Variants in AHI1 observed in about 807,000 individuals in gnomAD.
AHI1 encodes Abelson helper integration site 1.
In AHI1, 123 loss-of-function variants were observed where a neutral mutation model predicts 149.3. The observed-to-expected ratio is 0.82, with a 90% CI of 0.71 to 0.96. The LOEUF is 0.96. Among genes scored for constraint, AHI1 ranks in the 40% least tolerant of loss-of-function variants. The pLI, the probability that AHI1 is intolerant of heterozygous loss-of-function variation, is 0.00. For missense variants in AHI1, 1,439 were observed against 1,422.7 expected (o/e 1.01, Z -0.18); for synonymous variants, 475 against 459.8 (o/e 1.03, Z -0.42).
chr6:135,346,361 AT>A (rs1422399230), intron 24 of AHI1, among the ~76,000 whole-genome samples: 2 of 151,470 alleles, frequency 1.3e-5, no homozygotes, highest in Non-Finnish European at 1.5e-5. Context: ...TGCCCGGCTA[AT>A]TTTTTTTATT....
At chr6:135,296,653 G>A (rs554703578) in intron 27 of AHI1, among the ~76,000 whole-genome samples, 1 of 152,172 alleles carries the variant, frequency 6.6e-6, no homozygotes, top group South Asian at 2.1e-4. Context: ...CTCATGCTCC[G>A]ATTTACAACT....
intron 21 of AHI1, 114 bp downstream of exon 21, chr6:135,411,234 G>A (rs1219806166): frequency 1.0e-6 from 1 of 990,698 alleles, no homozygotes; most frequent in African/African-American, 1.6e-5. Context: ...AAAAGTATAG[G>A]AAGGTCTAAT....
chr6:135,416,597 T>C (rs1185097241), intron 20 of AHI1, among the ~76,000 whole-genome samples: 1 of 152,078 alleles, frequency 6.6e-6, no homozygotes, highest in Non-Finnish European at 1.5e-5. Flanking sequence ...AAATTGCTCA[T>C]ATTATTCATT....
At chr6:135,430,257 A>T (rs1021523634) in intron 17 of AHI1, among the ~76,000 whole-genome samples, 14 of 152,056 alleles carry the variant, frequency 9.2e-5, no homozygotes, top group African/African-American at 3.4e-4. Context: ...ACTTTCCCAA[A>T]ATTTGGTCAG....
intron 23 of AHI1, among the ~76,000 whole-genome samples, chr6:135,359,721 C>T (rs542378817): frequency 4.6e-5 from 7 of 152,264 alleles, no homozygotes; most frequent in African/African-American, 1.7e-4. Flanking sequence ...ATCTTACACA[C>T]GTCTTCTCAC....
At chr6:135,391,736 T>C (rs1321381442) in intron 23 of AHI1, among the ~76,000 whole-genome samples, 3 of 152,148 alleles carry the variant, frequency 2.0e-5, no homozygotes, top group Non-Finnish European at 4.4e-5. Context: ...AATTATTCAA[T>C]GATACTTGTT....
chr6:135,309,149 G>T (rs1344171382), intron 26 of AHI1, among the ~76,000 whole-genome samples: 3 of 152,136 alleles, frequency 2.0e-5, no homozygotes, highest in African/African-American at 7.2e-5. Flanking sequence ...GTAGGAGAGA[G>T]TCCCTATTAA....
At chr6:135,296,238 TCA>T (rs1783076683) in intron 27 of AHI1, among the ~76,000 whole-genome samples, 1 of 152,226 alleles carries the variant, frequency 6.6e-6, no homozygotes, top group Non-Finnish European at 1.5e-5. Flanking sequence ...TTCACTAACT[TCA>T]TGGCTCCCAC....
intron 5 of AHI1, 128 bp downstream of exon 5, chr6:135,490,495 T>C: frequency 9.2e-7 from 1 of 1,083,290 alleles, no homozygotes; most frequent in Non-Finnish European, 1.4e-6. Context: ...TACCACATGT[T>C]ATTGACCATG....
At chr6:135,296,988 C>T (rs1783178510) in intron 27 of AHI1, among the ~76,000 whole-genome samples, 1 of 152,168 alleles carries the variant, frequency 6.6e-6, no homozygotes, top group Admixed American at 6.5e-5. Context: ...TAGTATAGCA[C>T]CTAGAACAGA....
intron 1 of AHI1, among the ~76,000 whole-genome samples, 156 bp downstream of exon 1, chr6:135,497,427 C>A (rs925305101): frequency 2.6e-5 from 4 of 152,196 alleles, no homozygotes; most frequent in African/African-American, 9.6e-5. Context: ...AAATCGCATT[C>A]CCCCGGGACA....
chr6:135,376,806 C>T (rs530785377), intron 23 of AHI1, among the ~76,000 whole-genome samples: 44 of 142,886 alleles, frequency 3.1e-4, no homozygotes, highest in African/African-American at 8.3e-4. Context: ...CACCTGAACC[C>T]GGGAGGCAAA....
At chr6:135,298,619 C>A (rs1423104930) in intron 27 of AHI1, among the ~76,000 whole-genome samples, 2 of 152,178 alleles carry the variant, frequency 1.3e-5, no homozygotes, top group African/African-American at 2.4e-5. Context: ...CTTAATTCAT[C>A]CTTACTTCTA....
rs143967215 is a variant in AHI1 at position 135,371,839 on chromosome 6, G to A, written c.3110-13652C>T. Among the ~76,000 whole-genome samples, 18 of 152,268 alleles carry A rather than the reference G, an allele frequency of 1.2e-4. No homozygotes were observed. In the East Asian group the frequency reaches 1.9e-3, roughly 16 times the overall value. On this transcript the variant is annotated intron_variant, in intron 23 of 28. Transcript: ENST00000265602. ...GGGGTGGGAGGACTTTGTTCTACTCGGTGTTGAGCAAGGATCTGTGCAGGG... is the reference window on the plus strand; with the variant it reads ...GGGGTGGGAGGACTTTGTTCTACTCAGTGTTGAGCAAGGATCTGTGCAGGG...
Position 135,412,049 on chromosome 6 carries a change from A to G in AHI1, c.2765-505T>C, listed in dbSNP as rs903158383. On this transcript the variant is annotated intron_variant, in intron 20 of 28. Coordinates refer to ENST00000265602, the MANE Select transcript of AHI1 (RefSeq NM_001134831.2). ...TTATAATTATTAAATGTTTTACAGTATCTCATTTAATGAAGCACCGTAATT... is the reference window on the plus strand; with the variant it reads ...TTATAATTATTAAATGTTTTACAGTGTCTCATTTAATGAAGCACCGTAATT... 2.0e-5 allele frequency among the ~76,000 whole-genome samples: 3 copies of G among 152,294 alleles called. No homozygotes were observed. In the South Asian group the frequency reaches 6.2e-4, roughly 32 times the overall value.
intron 3 of AHI1, 78 bp from the exon 4 acceptor site, chr6:135,492,369 T>C: frequency 7.0e-7 from 1 of 1,429,414 alleles, no homozygotes; most frequent in East Asian, 2.6e-5. Context: ...CACAAGATCA[T>C]GCCATTGTAT....
chr6:135,388,473 A>G (rs1336580650), intron 23 of AHI1, among the ~76,000 whole-genome samples: 1 of 152,196 alleles, frequency 6.6e-6, no homozygotes, highest in Admixed American at 6.5e-5. Context: ...CTTAGATGTA[A>G]TCTACCTTCT....
chr6:135,438,470 C>A lies in AHI1; in HGVS notation c.1941G>T (p.Met647Ile), dbSNP rs1263133561. The change falls in exon 15 of 29, where the codon ATG (methionine) becomes ATT (isoleucine). Residue 647 changes from methionine (M) to isoleucine (I), a missense_variant. Physicochemically the swap from Met to Ile is conservative, Grantham distance 10 (BLOSUM62 1). Transcript: ENST00000265602. ...ILYEIPSGRF[M>I]RELCGHLNII... ...TATTGAGGTGGCCACACAATTCTCT[C>A]ATGAAACGTCCAGAAGGAATTTCAT... 3 of 1,549,956 alleles carry A rather than the reference C, an allele frequency of 1.9e-6. No individual in the cohort carries two copies. The highest frequency in any genetic ancestry group is 2.6e-6 in the Non-Finnish European group (3 of 1,145,512).
intron 26 of AHI1, among the ~76,000 whole-genome samples, chr6:135,306,014 C>A (rs1222557977): frequency 6.6e-6 from 1 of 152,174 alleles, no homozygotes; most frequent in Non-Finnish European, 1.5e-5. Context: ...CCTTTTATTG[C>A]TTTTATGTTT....
Sources: allele counts gnomAD v4.1 joint callset (sites outside exome capture counted in the v4.1 genomes callset), GRCh38; gene constraint gnomAD v4.1.1; transcripts MANE v1.5; gene names NCBI Gene and HGNC (gene_info 2026-07-23, HGNC 2026-07-21).